Variants in CRIM1 observed in about 807,000 individuals in gnomAD.
CRIM1 encodes cysteine-rich motor neuron 1 protein.
A neutral mutation model predicts 116.4 loss-of-function variants in CRIM1; 32 were observed. The ratio of observed to expected loss-of-function variants is 0.27; its 90% confidence interval spans 0.21 to 0.37. The LOEUF (loss-of-function observed/expected upper bound fraction) is 0.37, where lower values mean the gene tolerates loss of function less well. CRIM1 is among the 10% of genes least tolerant of loss of function. CRIM1 has a pLI of 1.00. For synonymous variants in CRIM1, 590 were observed against 509.2 expected, an observed-to-expected ratio of 1.16 and a Z score of -2.13; for missense variants, 1,331 against 1,354.8, an observed-to-expected ratio of 0.98 and a Z score of 0.28.
intron 2 of CRIM1, 78 bp from the exon 3 acceptor site, chr2:36,441,180 A>T: frequency 6.3e-7 from 1 of 1,582,722 alleles, no homozygotes; most frequent in South Asian, 1.1e-5. Flanking sequence ...TAAATAGATC[A>T]TCAGGACTGT....
At chr2:36,544,195 C>T (rs944082852) in intron 14 of CRIM1, among the ~76,000 whole-genome samples, 181 bp from the exon 15 acceptor site, 1 of 152,178 alleles carries the variant, frequency 6.6e-6, no homozygotes, top group African/African-American at 2.4e-5. Context: ...ACATGTTTCT[C>T]CTCACTGCAA....
chr2:36,517,574 T>G, intron 12 of CRIM1, 32 bp downstream of exon 12: 1 of 1,590,128 alleles, frequency 6.3e-7, no homozygotes, highest in Non-Finnish European at 8.6e-7. Context: ...GGGTGCTTGG[T>G]GGGGAAGGAT....
chr2:36,435,351 A>C (rs372538048), intron 2 of CRIM1, among the ~76,000 whole-genome samples: 2 of 132,050 alleles, frequency 1.5e-5, no homozygotes, highest in Non-Finnish European at 3.3e-5. Flanking sequence ...TGTGTGTGTG[A>C]GTGAGAGAGA....
At chr2:36,455,132 T>C (rs1403296724) in intron 4 of CRIM1, among the ~76,000 whole-genome samples, 2 of 152,126 alleles carry the variant, frequency 1.3e-5, no homozygotes, top group Non-Finnish European at 2.9e-5. Flanking sequence ...ACCATTGTGA[T>C]CAGCAGATAG....
chr2:36,508,513 A>C (rs1681586180), intron 8 of CRIM1, among the ~76,000 whole-genome samples: 1 of 152,218 alleles, frequency 6.6e-6, no homozygotes, highest in Admixed American at 6.5e-5. Flanking sequence ...AGATAAAATA[A>C]AAATTTGTTC....
intron 1 of CRIM1, among the ~76,000 whole-genome samples, chr2:36,378,054 T>C (rs888875380): frequency 1.3e-5 from 2 of 152,216 alleles, no homozygotes; most frequent in African/African-American, 4.8e-5. Context: ...CTCCAACATG[T>C]GCAGTGGAGA....
At chr2:36,363,154 C>T (rs906194116) in intron 1 of CRIM1, among the ~76,000 whole-genome samples, 7 of 149,748 alleles carry the variant, frequency 4.7e-5, no homozygotes, top group Admixed American at 1.3e-4. Context: ...GAGCTGAAAT[C>T]GCACCACTGC....
At chr2:36,430,084 G>A (rs1674766304) in intron 2 of CRIM1, among the ~76,000 whole-genome samples, 1 of 152,192 alleles carries the variant, frequency 6.6e-6, no homozygotes, top group Non-Finnish European at 1.5e-5. Flanking sequence ...CATCCCGTCA[G>A]CCAGATGTGC....
intron 7 of CRIM1, among the ~76,000 whole-genome samples, chr2:36,494,313 C>G (rs71437555): frequency 6.6e-6 from 1 of 152,016 alleles, no homozygotes; most frequent in Non-Finnish European, 1.5e-5. Flanking sequence ...GTCTGAAGCT[C>G]TCTAATTTGT....
chr2:36,538,028 A>G (rs747372371), intron 14 of CRIM1, among the ~76,000 whole-genome samples: 13 of 152,126 alleles, frequency 8.5e-5, no homozygotes, highest in Non-Finnish European at 7.4e-5. Flanking sequence ...TACCCATACC[A>G]TCCACGCAGC....
At chr2:36,439,989 A>G (rs1011259906) in intron 2 of CRIM1, among the ~76,000 whole-genome samples, 7 of 152,216 alleles carry the variant, frequency 4.6e-5, no homozygotes, top group African/African-American at 1.7e-4. Flanking sequence ...AAGTATGAAG[A>G]GTCTCCTATA....
intron 1 of CRIM1, among the ~76,000 whole-genome samples, chr2:36,394,715 T>C (rs901844729): frequency 6.6e-6 from 1 of 151,952 alleles, no homozygotes; most frequent in African/African-American, 2.4e-5. Flanking sequence ...ATAAATTGTG[T>C]GTCGGTATAA....
At chr2:36,430,591 C>T (rs1319198987) in intron 2 of CRIM1, among the ~76,000 whole-genome samples, 1 of 152,104 alleles carries the variant, frequency 6.6e-6, no homozygotes, top group Non-Finnish European at 1.5e-5. Context: ...ACAAACAGGG[C>T]ATAGAAACGC....
At chr2:36,470,600 A>G (rs1355404109) in intron 5 of CRIM1, among the ~76,000 whole-genome samples, 1 of 152,230 alleles carries the variant, frequency 6.6e-6, no homozygotes, top group East Asian at 1.9e-4. Flanking sequence ...TTTTAAGCCC[A>G]CCATTGAGAC....
At chr2:36,413,860 T>A (rs1673401966) in intron 2 of CRIM1, among the ~76,000 whole-genome samples, 1 of 152,200 alleles carries the variant, frequency 6.6e-6, no homozygotes, top group Admixed American at 6.5e-5. Flanking sequence ...ATTTCAGCCC[T>A]ATTCATATGT....
chr2:36,502,454 T>C (rs901102359), intron 8 of CRIM1, among the ~76,000 whole-genome samples: 1 of 152,208 alleles, frequency 6.6e-6, no homozygotes, highest in Non-Finnish European at 1.5e-5. Flanking sequence ...GAGGAGACCA[T>C]TGCATTTTGT....
intron 15 of CRIM1, among the ~76,000 whole-genome samples, chr2:36,546,758 C>G (rs1054767821): frequency 2.1e-5 from 3 of 142,136 alleles, no homozygotes; most frequent in Non-Finnish European, 4.5e-5. Flanking sequence ...AAGATTCTCA[C>G]TCTGATTTTT....
In CRIM1 at chr2:36,522,127, A is replaced by G. The variant is rs1665434374; in HGVS notation, c.2242A>G (p.Ser748Gly). 6.2e-7 allele frequency: 1 copy of G among 1,614,186 alleles called. No homozygotes were observed. The highest frequency in any genetic ancestry group is 8.5e-7 in the Non-Finnish European group (1 of 1,180,022). ...TCGGCCTTCCTTGTCCCGCAATAAC[A>G]GCGTACCTAATTACTGCAAAAATGA... is the stretch of plus-strand genomic sequence containing the variant. ...PFRPSLSRNNSVPNYCKNDEG... is the reference protein window; with the variant it reads ...PFRPSLSRNNGVPNYCKNDEG... The change falls in exon 13 of 17, where the codon AGC (serine) becomes GGC (glycine). Residue 748 changes from serine to glycine, a missense_variant. Ser to Gly is a moderately conservative substitution (Grantham distance 56, BLOSUM62 0). Transcript: ENST00000280527.
intron 14 of CRIM1, among the ~76,000 whole-genome samples, chr2:36,542,968 C>T (rs1400956228): frequency 6.6e-6 from 1 of 152,178 alleles, no homozygotes; most frequent in Non-Finnish European, 1.5e-5. Flanking sequence ...GGTTTGTGCT[C>T]AGGCCCCTGC....
Sources: allele counts gnomAD v4.1 joint callset (sites outside exome capture counted in the v4.1 genomes callset), GRCh38; gene constraint gnomAD v4.1.1; transcripts MANE v1.5; gene names NCBI Gene and HGNC (gene_info 2026-07-23, HGNC 2026-07-21).